Variants in TASP1 observed in about 807,000 individuals in gnomAD.
TASP1 encodes threonine aspartase 1.
A neutral mutation model predicts 56.6 loss-of-function variants in TASP1; 16 were observed. The observed-to-expected ratio is 0.28, with a 90% CI of 0.19 to 0.43. The LOEUF (loss-of-function observed/expected upper bound fraction) is 0.43. Among genes scored for constraint, TASP1 ranks in the 20% least tolerant of loss-of-function variants. The pLI is 1.00. For synonymous variants in TASP1, 179 were observed against 184.2 expected, an observed-to-expected ratio of 0.97 and a Z score of 0.23; for missense variants, 393 against 511.6, an observed-to-expected ratio of 0.77 and a Z score of 2.24.
chr20:13,196,323 T>C, the TASP1 span, among the ~76,000 whole-genome samples: 1 of 152,222 alleles, frequency 6.6e-6, no homozygotes. Flanking sequence ...TTTTAAACCA[T>C]CTAGTAGTGT....
chr20:13,140,645 T>TA, the TASP1 span, among the ~76,000 whole-genome samples: 25,727 of 152,082 alleles, frequency 0.17, 2,238 homozygotes, highest in East Asian at 0.2. Flanking sequence ...TCTACAGGAT[T>TA]AAAAAAACAG....
the TASP1 span, among the ~76,000 whole-genome samples, chr20:13,201,953 C>T: frequency 7.9e-5 from 12 of 152,120 alleles, no homozygotes; most frequent in East Asian, 1.5e-3. Flanking sequence ...TGGGGTTTCA[C>T]CATGCTGGCC....
At chr20:13,632,208 C>T (rs765081688) in intron 1 of TASP1, among the ~76,000 whole-genome samples, 3 of 151,360 alleles carry the variant, frequency 2.0e-5, no homozygotes, top group Non-Finnish European at 2.9e-5. Flanking sequence ...ACTAAAAATA[C>T]AAAAAGCTGG....
At chr20:13,216,988 A>G in the TASP1 span, among the ~76,000 whole-genome samples, 1 of 152,226 alleles carries the variant, frequency 6.6e-6, no homozygotes, top group Non-Finnish European at 1.5e-5. Context: ...ATGCCCAGGA[A>G]GAAACAGGTT....
chr20:13,559,577 C>T (rs2046273958), intron 7 of TASP1, among the ~76,000 whole-genome samples: 2 of 152,146 alleles, frequency 1.3e-5, no homozygotes, highest in African/African-American at 4.8e-5. Flanking sequence ...GTAAATAAAA[C>T]ATTTTTTAAA....
chr20:13,346,197 C>T, the TASP1 span, among the ~76,000 whole-genome samples: 2 of 152,158 alleles, frequency 1.3e-5, no homozygotes, highest in Non-Finnish European at 2.9e-5. Context: ...GAGTATTTAA[C>T]TGGTACCAGT....
chr20:13,114,825 C>T, the TASP1 span, among the ~76,000 whole-genome samples: 6 of 152,166 alleles, frequency 3.9e-5, no homozygotes, highest in East Asian at 1.9e-4. Flanking sequence ...TGGTTTAATT[C>T]TCCATCTGCC....
chr20:13,415,653 T>A (rs2042230670), intron 13 of TASP1, among the ~76,000 whole-genome samples: 2 of 152,020 alleles, frequency 1.3e-5, no homozygotes, highest in South Asian at 4.2e-4. Flanking sequence ...TCAAGCAATA[T>A]AACTGGAGGC....
chr20:13,141,426 A>G, the TASP1 span, among the ~76,000 whole-genome samples: 18 of 152,190 alleles, frequency 1.2e-4, no homozygotes, highest in African/African-American at 4.3e-4. Flanking sequence ...AAATCTTCTC[A>G]CATTTCTCAG....
At chr20:13,233,774 A>G in the TASP1 span, among the ~76,000 whole-genome samples, 1 of 152,162 alleles carries the variant, frequency 6.6e-6, no homozygotes, top group Non-Finnish European at 1.5e-5. Context: ...CACATAAGGT[A>G]ACCCATCCAT....
intron 11 of TASP1, among the ~76,000 whole-genome samples, chr20:13,463,864 A>T (rs956474090): frequency 1.3e-5 from 2 of 152,128 alleles, no homozygotes; most frequent in African/African-American, 4.8e-5. Flanking sequence ...AATAACAAGT[A>T]TTGGTGAGGA....
At chr20:13,107,009 G>A in the TASP1 span, among the ~76,000 whole-genome samples, 1 of 152,202 alleles carries the variant, frequency 6.6e-6, no homozygotes, top group Non-Finnish European at 1.5e-5. Context: ...GGCCAGTAAT[G>A]TAGTCTGCAG....
the TASP1 span, among the ~76,000 whole-genome samples, chr20:13,328,827 T>A: frequency 6.0e-5 from 9 of 149,602 alleles, no homozygotes; most frequent in Non-Finnish European, 1.3e-4. Context: ...AGGGAGAGCA[T>A]CAGGAAGAAT....
chr20:13,198,401 G>C, the TASP1 span, among the ~76,000 whole-genome samples: 4 of 151,928 alleles, frequency 2.6e-5, no homozygotes, highest in Admixed American at 2.6e-4. Context: ...AGTTCTCTGG[G>C]GTCCCTTTTA....
At chr20:13,191,686 G>A in the TASP1 span, among the ~76,000 whole-genome samples, 1 of 152,140 alleles carries the variant, frequency 6.6e-6, no homozygotes, top group Non-Finnish European at 1.5e-5. Context: ...GCAATTAGGT[G>A]ACTACAGTTA....
chr20:13,483,522 T>G (rs1339067048), intron 10 of TASP1, among the ~76,000 whole-genome samples, 185 bp from the exon 11 acceptor site: 1 of 152,192 alleles, frequency 6.6e-6, no homozygotes, highest in Non-Finnish European at 1.5e-5. Flanking sequence ...CAGCAGAAAC[T>G]AAACACAAAG....
chr20:13,233,488 G>T, the TASP1 span, among the ~76,000 whole-genome samples: 2 of 151,634 alleles, frequency 1.3e-5, no homozygotes, highest in African/African-American at 4.9e-5. Flanking sequence ...CCAGCTACTC[G>T]GGAGGCTGAG....
chr20:13,352,695 G>C, the TASP1 span, among the ~76,000 whole-genome samples: 26 of 152,126 alleles, frequency 1.7e-4, no homozygotes, highest in African/African-American at 6.3e-4. Context: ...GTGGCATGTT[G>C]ACTAGCTTGG....
At chr20:13,214,536 CACACACACACACACACACACACACACAG>C in the TASP1 span, among the ~76,000 whole-genome samples, 1 of 119,964 alleles carries the variant, frequency 8.3e-6, no homozygotes, top group Non-Finnish European at 1.7e-5. Flanking sequence ...CACACACACA[CACACACACACACACACACACACACACAG>C]AGAGAGAGAG....
Sources: gnomAD v4.1 joint callset for allele counts (sites outside exome capture counted in the v4.1 genomes callset) on GRCh38, gnomAD v4.1.1 for gene constraint, MANE v1.5 for transcripts, NCBI Gene and HGNC (gene_info 2026-07-23, HGNC 2026-07-21) for gene names.